Variants in GRID2 observed in about 807,000 individuals in gnomAD.
The protein encoded by GRID2 is glutamate ionotropic receptor delta type subunit 2.
A neutral mutation model predicts 114.8 loss-of-function variants in GRID2; 33 were observed. The observed-to-expected ratio is 0.29, with a 90% CI of 0.22 to 0.38. The LOEUF is 0.38. GRID2 is among the 10% of genes least tolerant of loss of function. The probability of loss-of-function intolerance (pLI) is 1.00; values close to 1 mark genes in which losing one functional copy is unlikely to be tolerated. For synonymous variants in GRID2, 505 were observed against 449.9 expected (o/e 1.12, Z -1.55); for missense variants, 1,184 against 1,257.7 (o/e 0.94, Z 0.89).
intron 2 of GRID2, among the ~76,000 whole-genome samples, chr4:92,701,149 C>G (rs899700536): frequency 5.3e-5 from 8 of 152,114 alleles, no homozygotes; most frequent in Non-Finnish European, 1.2e-4. Flanking sequence ...ACTTTCTCAT[C>G]TATGAAATGA....
intron 8 of GRID2, among the ~76,000 whole-genome samples, chr4:93,259,457 A>G (rs772336011): frequency 1.3e-5 from 2 of 151,846 alleles, no homozygotes; most frequent in Non-Finnish European, 2.9e-5. Flanking sequence ...AAATGATTTC[A>G]CAGGTGCATA....
intron 2 of GRID2, among the ~76,000 whole-genome samples, chr4:92,698,933 C>G (rs533436553): frequency 1.2e-4 from 18 of 152,122 alleles, no homozygotes; most frequent in Admixed American, 1.1e-3. Flanking sequence ...TCATTCAGTA[C>G]TGACAACACA....
chr4:92,733,120 A>G (rs1560560544), intron 2 of GRID2, among the ~76,000 whole-genome samples: 2 of 152,052 alleles, frequency 1.3e-5, no homozygotes, highest in East Asian at 1.9e-4. Flanking sequence ...TGTTTATTTT[A>G]GTAAGATAAG....
chr4:93,372,567 G>T (rs1367432758), intron 8 of GRID2, among the ~76,000 whole-genome samples: 1 of 151,482 alleles, frequency 6.6e-6, no homozygotes, highest in African/African-American at 2.4e-5. Context: ...TTGTTTTTAC[G>T]ATCCCTGGGA....
chr4:92,344,505 C>A (rs552311769), intron 1 of GRID2, among the ~76,000 whole-genome samples: 1 of 152,104 alleles, frequency 6.6e-6, no homozygotes, highest in East Asian at 1.9e-4. Context: ...CTTAGTGGCT[C>A]AAAACAAGAA....
At chr4:93,174,718 T>C (rs764948865) in intron 4 of GRID2, among the ~76,000 whole-genome samples, 2 of 152,108 alleles carry the variant, frequency 1.3e-5, no homozygotes, top group Non-Finnish European at 2.9e-5. Context: ...CGGAAACTAA[T>C]TGGCACCCTT....
chr4:92,881,652 A>G (rs1166643994), intron 2 of GRID2, among the ~76,000 whole-genome samples: 1 of 152,222 alleles, frequency 6.6e-6, no homozygotes, highest in African/African-American at 2.4e-5. Flanking sequence ...TAAAACAACC[A>G]TAATGGCTGC....
intron 4 of GRID2, among the ~76,000 whole-genome samples, chr4:93,139,056 C>G (rs537851002): frequency 3.0e-4 from 46 of 152,156 alleles, no homozygotes; most frequent in Non-Finnish European, 6.2e-4. Flanking sequence ...AAATCAGGCT[C>G]CAATCAAAAA....
chr4:92,586,377 C>G (rs1393437200), intron 1 of GRID2, among the ~76,000 whole-genome samples: 1 of 151,204 alleles, frequency 6.6e-6, no homozygotes, highest in Non-Finnish European at 1.5e-5. Context: ...CACACACACA[C>G]ACACACACAC....
chr4:92,440,767 G>A (rs2110360387), intron 1 of GRID2, among the ~76,000 whole-genome samples: 1 of 152,132 alleles, frequency 6.6e-6, no homozygotes, highest in South Asian at 2.1e-4. Flanking sequence ...GGAAATTTGG[G>A]GAAATGGGGT....
intron 2 of GRID2, among the ~76,000 whole-genome samples, chr4:92,840,317 T>C (rs998968253): frequency 6.6e-6 from 1 of 152,062 alleles, no homozygotes; most frequent in Non-Finnish European, 1.5e-5. Context: ...TTCATTTACA[T>C]TCAATATTAT....
intron 8 of GRID2, among the ~76,000 whole-genome samples, chr4:93,382,502 T>C (rs1362169924): frequency 6.6e-6 from 1 of 152,082 alleles, no homozygotes; most frequent in Non-Finnish European, 1.5e-5. Context: ...TCTGGCTGCT[T>C]AAATCTACCT....
At chr4:93,250,311 C>T (rs1262579481) in intron 8 of GRID2, among the ~76,000 whole-genome samples, 4 of 151,892 alleles carry the variant, frequency 2.6e-5, no homozygotes, top group Admixed American at 6.6e-5. Context: ...CACAAGGACA[C>T]AGGGAGGGGA....
chr4:92,847,603 G>T (rs1743428639), intron 2 of GRID2, among the ~76,000 whole-genome samples: 1 of 151,920 alleles, frequency 6.6e-6, no homozygotes, highest in South Asian at 2.1e-4. Flanking sequence ...TCAGATCTCT[G>T]TAATTTTAAT....
At chr4:93,054,628 T>C (rs1727053040) in intron 2 of GRID2, among the ~76,000 whole-genome samples, 1 of 151,946 alleles carries the variant, frequency 6.6e-6, no homozygotes, top group Admixed American at 6.6e-5. Flanking sequence ...TGTAAGCACA[T>C]GCTATACCAG....
At position 92,510,037 on chromosome 4, in the gene GRID2, C is replaced by T. The variant is rs1488526569; in HGVS notation, c.89-80094C>T. On this transcript the variant is annotated intron_variant, in intron 1 of 15. Coordinates refer to ENST00000282020, the MANE Select transcript of GRID2 (RefSeq NM_001510.4). ...TTTCACAGAATTCCTCTGGATACTGCGTTAATAAGAGACTGTATTGGGTTG... is the reference window on the plus strand; with the variant it reads ...TTTCACAGAATTCCTCTGGATACTGTGTTAATAAGAGACTGTATTGGGTTG... 4.6e-5 allele frequency among the ~76,000 whole-genome samples: 7 copies of T among 151,740 alleles called. No individual in the cohort carries two copies. In the South Asian group the frequency reaches 1.2e-3, roughly 27 times the overall value.
intron 2 of GRID2, among the ~76,000 whole-genome samples, chr4:92,865,801 C>T (rs1302161250): frequency 6.6e-6 from 1 of 152,114 alleles, no homozygotes; most frequent in Non-Finnish European, 1.5e-5. Flanking sequence ...ATGTGTTTTA[C>T]AGTTTGATTA....
intron 2 of GRID2, among the ~76,000 whole-genome samples, chr4:92,914,379 G>T (rs1024767089): frequency 6.6e-6 from 1 of 151,882 alleles, no homozygotes; most frequent in Admixed American, 6.6e-5. Flanking sequence ...ATATATCTAT[G>T]TTCTTCAAAT....
chr4:93,379,989 AT>A (rs1198351135), intron 8 of GRID2, among the ~76,000 whole-genome samples: 7 of 152,110 alleles, frequency 4.6e-5, no homozygotes, highest in South Asian at 2.1e-4. Context: ...ATGAGAATTT[AT>A]AAATTGTGAT....
Sources: allele counts gnomAD v4.1 joint callset (sites outside exome capture counted in the v4.1 genomes callset), GRCh38; gene constraint gnomAD v4.1.1; transcripts MANE v1.5; gene names NCBI Gene and HGNC (gene_info 2026-07-23, HGNC 2026-07-21).